GMDS: variants seen among roughly 807,000 people sequenced by gnomAD.
GMDS encodes GDP-mannose 4,6 dehydratase.
Under a neutral mutation model 49.9 loss-of-function variants are expected in GMDS, and 20 were observed. That is an observed-to-expected ratio of 0.40 (90% CI 0.28 to 0.58). GMDS has a LOEUF of 0.58. Ranked by LOEUF, GMDS falls within the 20% of genes least tolerant of loss-of-function variation. GMDS has a pLI of 0.42. For synonymous variants in GMDS, 177 were observed against 178.6 expected, an observed-to-expected ratio of 0.99 and a Z score of 0.07; for missense variants, 362 against 481.4, an observed-to-expected ratio of 0.75 and a Z score of 2.32.
intron 1 of GMDS, among the ~76,000 whole-genome samples, chr6:2,202,816 G>A (rs189018232): frequency 7.9e-5 from 12 of 152,286 alleles, no homozygotes; most frequent in Admixed American, 7.8e-4. Flanking sequence ...GGACCACAGT[G>A]GAGAGAGGGG....
At chr6:1,788,226 A>G (rs1377345496) in intron 7 of GMDS, among the ~76,000 whole-genome samples, 2 of 152,202 alleles carry the variant, frequency 1.3e-5, no homozygotes, top group African/African-American at 4.8e-5. Flanking sequence ...CAGAGTTCAG[A>G]CCAGGGAGGT....
At chr6:2,220,286 G>A (rs234932) in intron 1 of GMDS, among the ~76,000 whole-genome samples, 47,492 of 152,022 alleles carry the variant, frequency 0.31, 8,124 homozygotes, top group East Asian at 0.59. Flanking sequence ...TAACCTTTTA[G>A]TCAACACAAG....
chr6:1,687,332 G>T (rs1265802600), intron 9 of GMDS, among the ~76,000 whole-genome samples: 2 of 152,234 alleles, frequency 1.3e-5, no homozygotes, highest in Non-Finnish European at 2.9e-5. Flanking sequence ...TTCAGACCTG[G>T]AAGTGGCGCA....
intron 7 of GMDS, among the ~76,000 whole-genome samples, chr6:1,837,369 T>C (rs1756970822): frequency 1.3e-5 from 2 of 152,226 alleles, no homozygotes; most frequent in Admixed American, 1.3e-4. Flanking sequence ...ATTACAGAAA[T>C]GTGGTCTTTG....
At chr6:2,135,414 G>A (rs971982484) in intron 1 of GMDS, among the ~76,000 whole-genome samples, 6 of 152,160 alleles carry the variant, frequency 3.9e-5, no homozygotes, top group African/African-American at 9.7e-5. Context: ...TTTAAAAACA[G>A]TGAGGTCTGA....
At chr6:1,848,282 A>G (rs1757505935) in intron 7 of GMDS, among the ~76,000 whole-genome samples, 1 of 151,842 alleles carries the variant, frequency 6.6e-6, no homozygotes. Context: ...CCTGTTTCCA[A>G]CCTCTGTGCC....
At chr6:1,647,264 T>C (rs1353184752) in intron 9 of GMDS, among the ~76,000 whole-genome samples, 1 of 152,194 alleles carries the variant, frequency 6.6e-6, no homozygotes, top group Non-Finnish European at 1.5e-5. Context: ...GAACATCTTA[T>C]TTGCTGTGGA....
chr6:2,219,119 C>T lies in GMDS; in HGVS notation c.102+26202G>A, dbSNP rs1780466941. On this transcript the variant is annotated intron_variant, in intron 1 of 10. Coordinates refer to ENST00000380815, the MANE Select transcript of GMDS (RefSeq NM_001500.4). ...GTGAAAAACAAAAAAAGAAAGTAAACAGGCAACAGGTCGGTCCTCTGAGAA... is the reference window on the plus strand; with the variant it reads ...GTGAAAAACAAAAAAAGAAAGTAAATAGGCAACAGGTCGGTCCTCTGAGAA... Among the ~76,000 whole-genome samples the T allele has an allele frequency of 4.6e-5, 7 of 152,092 alleles. 1 individual carries two copies. Among genetic ancestry groups the T allele is most frequent in the Admixed American group, 4.6e-4 (7 of 15,268 alleles).
chr6:1,750,450 G>C (rs1189392058), intron 7 of GMDS, among the ~76,000 whole-genome samples: 1 of 152,088 alleles, frequency 6.6e-6, no homozygotes, highest in Non-Finnish European at 1.5e-5. Flanking sequence ...AAGCAGGGTG[G>C]GGCATTCCCT....
intron 7 of GMDS, among the ~76,000 whole-genome samples, chr6:1,804,824 C>G (rs985675522): frequency 6.6e-6 from 1 of 151,978 alleles, no homozygotes. Flanking sequence ...AACTATATTA[C>G]CCTTAATATT....
At chr6:1,663,992 C>T (rs112698229) in intron 9 of GMDS, among the ~76,000 whole-genome samples, 131 of 152,270 alleles carry the variant, frequency 8.6e-4, no homozygotes, top group African/African-American at 2.9e-3. Context: ...GCCTGGCACA[C>T]GGTAGGCACC....
At chr6:1,747,748 A>T (rs991558977) in intron 7 of GMDS, among the ~76,000 whole-genome samples, 2 of 152,144 alleles carry the variant, frequency 1.3e-5, no homozygotes, top group African/African-American at 4.8e-5. Flanking sequence ...TTCTTTGTGG[A>T]ATTCACATAG....
At chr6:1,896,550 C>T (rs533229670) in intron 7 of GMDS, among the ~76,000 whole-genome samples, 1 of 151,740 alleles carries the variant, frequency 6.6e-6, no homozygotes, top group South Asian at 2.1e-4. Context: ...AATCTGACAG[C>T]GGGGAAGGGG....
intron 4 of GMDS, among the ~76,000 whole-genome samples, chr6:2,065,211 T>A (rs560874043): frequency 5.3e-5 from 8 of 152,084 alleles, no homozygotes; most frequent in African/African-American, 1.9e-4. Flanking sequence ...CAGCTGAGGG[T>A]CCTGTCTGTT....
At chr6:2,117,255 C>G (rs980711235) in intron 3 of GMDS, among the ~76,000 whole-genome samples, 9 of 152,280 alleles carry the variant, frequency 5.9e-5, no homozygotes, top group Non-Finnish European at 2.9e-5. Flanking sequence ...TCATAGCCTT[C>G]TAACAGCCAA....
chr6:2,134,086 T>C (rs1775873970), intron 1 of GMDS, among the ~76,000 whole-genome samples: 1 of 152,218 alleles, frequency 6.6e-6, no homozygotes, highest in Non-Finnish European at 1.5e-5. Flanking sequence ...TCCCAAAGTC[T>C]GTGCCTCCTT....
chr6:1,737,838 C>CAT (rs1356656249), intron 8 of GMDS, among the ~76,000 whole-genome samples: 2 of 147,256 alleles, frequency 1.4e-5, no homozygotes, highest in Non-Finnish European at 3.0e-5. Context: ...ACACCACACA[C>CAT]ACAGATACGC....
At position 1,689,571 on chromosome 6, in the gene GMDS, T is replaced by A. The variant is rs143775596; in HGVS notation, c.987+36845A>T. On this transcript the variant is annotated intron_variant, in intron 9 of 10. Transcript: ENST00000380815. ...ACAATGGATATTAGGAGTAAATATGTTCCTGGCAACCCTAAGTAAACTTGA... is the reference window on the plus strand; with the variant it reads ...ACAATGGATATTAGGAGTAAATATGATCCTGGCAACCCTAAGTAAACTTGA... 2.3e-3 allele frequency among the ~76,000 whole-genome samples: 350 copies of A among 152,330 alleles called. 1 individual carries two copies. Among genetic ancestry groups the A allele is most frequent in the African/African-American group, 7.6e-3 (317 of 41,572 alleles).
At position 2,065,015 on chromosome 6, in the gene GMDS, A is replaced by G. The variant is rs1053254049; in HGVS notation, c.345+50756T>C. On this transcript the variant is annotated intron_variant, in intron 4 of 10. Coordinates refer to ENST00000380815, the MANE Select transcript of GMDS (RefSeq NM_001500.4). ...ACAGCAGTAACCTCTGCAGACTTAA[A>G]TGTTACTGTCTGACAGCTTTGAAGA... Among the ~76,000 whole-genome samples the G allele has an allele frequency of 1.5e-4, 23 of 152,312 alleles. No homozygotes were observed. The South Asian group carries it at 3.3e-3, about 22-fold the overall frequency.
Sources: gnomAD v4.1 joint callset for allele counts (sites outside exome capture counted in the v4.1 genomes callset) on GRCh38, gnomAD v4.1.1 for gene constraint, MANE v1.5 for transcripts, NCBI Gene and HGNC (gene_info 2026-07-23, HGNC 2026-07-21) for gene names.